The following IKBKB variants were observed in gnomAD, a reference collection of about 807,000 sequenced individuals.
IKBKB encodes the protein inhibitor of nuclear factor kappa-B kinase subunit beta.
A neutral mutation model predicts 113.6 loss-of-function variants in IKBKB; 42 were observed. The ratio of observed to expected loss-of-function variants is 0.37; its 90% CI spans 0.29 to 0.48. The LOEUF is 0.48. Ranked by LOEUF, IKBKB falls within the 20% of genes least tolerant of loss-of-function variation. The pLI, the probability that IKBKB is intolerant of heterozygous loss-of-function variation, is 0.99. For missense variants in IKBKB, 673 were observed against 939.7 expected, an observed-to-expected ratio of 0.72 and a Z score of 3.71; for synonymous variants, 296 against 361.3, an observed-to-expected ratio of 0.82 and a Z score of 2.05.
rs1821760352 is a variant in IKBKB at position 42,332,378 on chromosome 8, C to A, written c.*1399C>A. ...CATTTGGCTATAGAAACATTTTCTC[C>A]TGCTGATTGTGTGTGTGAAACATGT... On this transcript the variant is annotated 3_prime_UTR_variant, in exon 22 of 22. Transcript: ENST00000520810. The A allele has an allele frequency of 6.6e-6, 1 of 152,192 alleles. No homozygotes were observed. The allele number at this position is 152,192 out of a possible 1,614,324, so 9.4% of individuals were successfully genotyped here. A position where few individuals can be genotyped will look rare whatever the true frequency, so the allele number is the denominator to read the frequency against.
At chr8:42,292,584 AT>A (rs1812874631) in intron 4 of IKBKB, among the ~76,000 whole-genome samples, 1 of 152,210 alleles carries the variant, frequency 6.6e-6, no homozygotes, top group South Asian at 2.1e-4. Flanking sequence ...GTAAGAGTCG[AT>A]GTTAAAAGTC....
intron 2 of IKBKB, among the ~76,000 whole-genome samples, chr8:42,282,646 C>A (rs1205890041): frequency 6.6e-6 from 1 of 152,216 alleles, no homozygotes; most frequent in African/African-American, 2.4e-5. Flanking sequence ...AGTAAGCCAT[C>A]CTTCTTACCT....
chr8:42,316,757 T>G lies in IKBKB; in HGVS notation c.978T>G (p.Pro326=), dbSNP rs755619006. ...NMVTGTIHTY[P]VTEDESLQSL... Reference sequence around the variant, plus strand: ...TCACGGGCACCATCCACACCTACCCTGTGACAGAGGATGAGAGTCTGCAGA... The same window carrying G: ...TCACGGGCACCATCCACACCTACCCGGTGACAGAGGATGAGAGTCTGCAGA... The change falls in exon 11 of 22, where the codon CCT becomes CCG. Residue 326 remains proline (P), a synonymous_variant. Transcript: ENST00000520810. The surrounding 1 kb of genome is among the most constrained non-coding windows in gnomAD (Gnocchi z 4.5). 3 of 1,614,124 alleles carry G rather than the reference T, an allele frequency of 1.9e-6. No individual in the cohort carries two copies. The highest frequency in any genetic ancestry group is 3.3e-4 in the Middle Eastern group (2 of 6,062).
chr8:42,317,163 C>G (rs1034908946), intron 11 of IKBKB: 6 of 504,924 alleles, frequency 1.2e-5, no homozygotes, highest in Non-Finnish European at 1.8e-5. Flanking sequence ...GATGCTATAA[C>G]ACTCGAATCT....
rs17875677 is a variant in IKBKB, at chr8:42,289,935, C to T, written c.201-221C>T. On this transcript the variant is annotated intron_variant, in intron 3 of 21. Transcript: ENST00000520810. ...GCACGCACAAAAAACTGAAGTTACA[C>T]GCAGTTGTGCCCTCAGGGTCTGAGT... Among the ~76,000 whole-genome samples, 1,024 of 152,278 alleles carry T rather than the reference C, an allele frequency of 6.7e-3. 11 individuals carry two copies. Among genetic ancestry groups the T allele is most frequent in the African/African-American group, 0.023 (971 of 41,536 alleles).
At chr8:42,272,438 C>T (rs909593956) in intron 2 of IKBKB, 11 of 607,584 alleles carry the variant, frequency 1.8e-5, no homozygotes, top group Non-Finnish European at 2.9e-5. Flanking sequence ...AAGTTAAGCT[C>T]TTAGTCTCTA....
rs199873256 is a variant in IKBKB, at chr8:42,272,232, G to C, written c.105+27G>C. 324 of 1,613,998 alleles carry C rather than the reference G, an allele frequency of 2.0e-4. 1 individual carries two copies. Among genetic ancestry groups the C allele is most frequent in the South Asian group, 1.5e-3 (139 of 91,078 alleles). On this transcript the variant is annotated intron_variant, in intron 2 of 21. Coordinates refer to ENST00000520810, the MANE Select transcript of IKBKB (RefSeq NM_001556.3). ...TAGGCCCTCTGTGCAGCTTGGGGAG[G>C]GGCGGGGAGCCAGGCCCCCTCCTCA...
intron 4 of IKBKB, among the ~76,000 whole-genome samples, chr8:42,293,186 C>T (rs1813012814): frequency 1.3e-5 from 2 of 152,100 alleles, no homozygotes; most frequent in Non-Finnish European, 2.9e-5. Context: ...GAGAATCAAA[C>T]TTTACTCACC....
At chr8:42,288,765 G>T (rs1276617901) in intron 3 of IKBKB, 37 bp downstream of exon 3, 8 of 1,506,550 alleles carry the variant, frequency 5.3e-6, no homozygotes, top group Non-Finnish European at 6.4e-6. Context: ...AGGGAAAGCT[G>T]GAGCAGCAGC....
intron 20 of IKBKB, among the ~76,000 whole-genome samples, chr8:42,326,918 C>G (rs1422958044): frequency 6.6e-6 from 1 of 152,100 alleles, no homozygotes. Context: ...TTCCTGCAGG[C>G]TAATCTCTAG....
At chr8:42,282,573 C>T (rs572881062) in intron 2 of IKBKB, among the ~76,000 whole-genome samples, 52 of 152,214 alleles carry the variant, frequency 3.4e-4, no homozygotes, top group Non-Finnish European at 5.0e-4. Flanking sequence ...ACTGAGATGG[C>T]GCAGGCCTAG....
At chr8:42,329,289 GCA>G in intron 21 of IKBKB, 75 bp downstream of exon 21, 2 of 1,490,656 alleles carry the variant, frequency 1.3e-6, no homozygotes, top group Non-Finnish European at 1.8e-6. Flanking sequence ...AAATGGAAAT[GCA>G]ATCTGGCATT....
chr8:42,296,982 A>G (rs1364318221), intron 5 of IKBKB, among the ~76,000 whole-genome samples: 1 of 152,088 alleles, frequency 6.6e-6, no homozygotes, highest in Non-Finnish European at 1.5e-5. Context: ...CTGGATTTTG[A>G]TTTTTGGCCT....
At chr8:42,293,715 CCCTT>C in intron 5 of IKBKB, 1 of 717,910 alleles carries the variant, frequency 1.4e-6, no homozygotes, top group Non-Finnish European at 2.3e-6. Context: ...AAATAGGTTT[CCCTT>C]CCTTCCTGAT....
At chr8:42,304,210 A>T (rs1005309402) in intron 5 of IKBKB, among the ~76,000 whole-genome samples, 1 of 152,226 alleles carries the variant, frequency 6.6e-6, no homozygotes, top group African/African-American at 2.4e-5. Flanking sequence ...TCTCTAGGCT[A>T]CATCTCCAAA....
At position 42,318,594 on chromosome 8, in the gene IKBKB, A is replaced by G. The variant is rs1158374113; in HGVS notation, c.1283A>G (p.Lys428Arg). The change falls in exon 13 of 22, where the codon AAG becomes AGG. Residue 428 changes from lysine to arginine, a missense_variant. Physicochemically the swap from Lys to Arg is conservative, Grantham distance 26 (BLOSUM62 2). Transcript: ENST00000520810. Reference protein sequence around the residue: ...KRNLAFFQLRKVWGQVWHSIQ... With the variant: ...KRNLAFFQLRRVWGQVWHSIQ... ...AATCTCGCCTTCTTCCAGCTGAGGA[A>G]GGTGTGGGGCCAGGTCTGGCACAGC... 6.2e-7 allele frequency: 1 copy of G among 1,613,942 alleles called. No homozygotes were observed. Among genetic ancestry groups the G allele is most frequent in the Non-Finnish European group, 8.5e-7 (1 of 1,179,838 alleles).
At chr8:42,283,004 A>G (rs1366986514) in intron 2 of IKBKB, among the ~76,000 whole-genome samples, 4 of 152,186 alleles carry the variant, frequency 2.6e-5, no homozygotes, top group African/African-American at 7.2e-5. Flanking sequence ...TTTGGTATCT[A>G]TGCCCAGTTA....
Position 42,311,232 on chromosome 8 carries a change from G to A in IKBKB, c.692+2207G>A, listed in dbSNP as rs116463834. Among the ~76,000 whole-genome samples, 520 of 152,306 alleles carry A rather than the reference G, an allele frequency of 3.4e-3. 5 individuals are homozygous for A. The highest frequency in any genetic ancestry group is 0.012 in the African/African-American group (491 of 41,556). Reference sequence around the variant, plus strand: ...TGAAAACAAAACATGAATGTTTTCAGAGGACAAGTGTCTACATCTTGAGAG... The same window carrying A: ...TGAAAACAAAACATGAATGTTTTCAAAGGACAAGTGTCTACATCTTGAGAG... On this transcript the variant is annotated intron_variant, in intron 8 of 21. Coordinates refer to ENST00000520810, the MANE Select transcript of IKBKB (RefSeq NM_001556.3).
At chr8:42,297,091 A>G (rs952837336) in intron 5 of IKBKB, among the ~76,000 whole-genome samples, 2 of 152,196 alleles carry the variant, frequency 1.3e-5, no homozygotes, top group Admixed American at 6.5e-5. Context: ...CCATCCTGGA[A>G]GAGGCCAGCC....
Sources: allele counts gnomAD v4.1 joint callset (sites outside exome capture counted in the v4.1 genomes callset), GRCh38; gene constraint gnomAD v4.1.1; non-coding constraint Gnocchi (gnomAD v3.1); transcripts MANE v1.5; gene names NCBI Gene and HGNC (gene_info 2026-07-23, HGNC 2026-07-21).